Variants in USP10 observed in about 807,000 individuals in gnomAD.
USP10 encodes the protein ubiquitin carboxyl-terminal hydrolase 10.
In USP10, 22 loss-of-function variants were observed where a neutral mutation model predicts 84.5. The observed-to-expected ratio is 0.26, with a 90% confidence interval of 0.19 to 0.37. The LOEUF is 0.37. Among genes scored for constraint, USP10 ranks in the 10% least tolerant of loss-of-function variants. The probability of loss-of-function intolerance (pLI) is 1.00; values close to 1 mark genes in which losing one functional copy is unlikely to be tolerated. For missense variants in USP10, 1,019 were observed against 998.9 expected, an observed-to-expected ratio of 1.02 and a Z score of -0.27; for synonymous variants, 454 against 387.6, an observed-to-expected ratio of 1.17 and a Z score of -2.01.
intron 1 of USP10, among the ~76,000 whole-genome samples, chr16:84,726,871 A>G (rs562610772): frequency 4.6e-5 from 7 of 152,216 alleles, no homozygotes; most frequent in Non-Finnish European, 1.0e-4. Flanking sequence ...CTATGCAACC[A>G]CAGGACGCGG....
chr16:84,727,471 C>T (rs1908650366), intron 1 of USP10, among the ~76,000 whole-genome samples: 1 of 152,150 alleles, frequency 6.6e-6, no homozygotes, highest in Admixed American at 6.5e-5. Flanking sequence ...AACAAACAAA[C>T]AAACAAACAA....
In USP10 at chr16:84,757,439, G is replaced by A. The variant is rs188524671; in HGVS notation, c.1193-1277G>A. Among the ~76,000 whole-genome samples the A allele has an allele frequency of 6.9e-3, 974 of 141,846 alleles. 13 individuals are homozygous for A. The highest frequency in any genetic ancestry group is 0.023 in the African/African-American group (929 of 40,044). The allele number at this position is 141,846 out of a possible 152,430, so 93.1% of individuals were successfully genotyped here. ...TGTGTGTGTGTGTGTGTGTGTGTGT[G>A]TGTGTGTTTTGAATTTTGTAAATTA... On this transcript the variant is annotated intron_variant, in intron 4 of 13. Transcript: ENST00000219473.
intron 1 of USP10, among the ~76,000 whole-genome samples, chr16:84,720,453 G>C (rs370675131): frequency 6.6e-6 from 1 of 152,052 alleles, no homozygotes; most frequent in Non-Finnish European, 1.5e-5. Flanking sequence ...CGAGAAGCTC[G>C]GCAGTAATAA....
chr16:84,724,303 A>G (rs1180539176), intron 1 of USP10, among the ~76,000 whole-genome samples: 2 of 152,236 alleles, frequency 1.3e-5, no homozygotes, highest in Admixed American at 6.5e-5. Context: ...TCTGAATTCA[A>G]TCTAAAATTT....
chr16:84,734,264 T>TAA (rs35354296), intron 2 of USP10, among the ~76,000 whole-genome samples: 3 of 150,828 alleles, frequency 2.0e-5, no homozygotes, highest in African/African-American at 4.9e-5. Context: ...TTGCTCGTAT[T>TAA]AAAAAAAAAA....
rs749395865 is a variant in USP10 at position 84,778,941 on chromosome 16, A to C, written c.2256A>C (p.Thr752=). The C allele has an allele frequency of 6.2e-7, 1 of 1,613,872 alleles. No individual in the cohort carries two copies. The highest frequency in any genetic ancestry group is 1.7e-5 in the Admixed American group (1 of 60,006). The change falls in exon 14 of 14, where the codon ACA becomes ACC. Residue 752 remains threonine, a synonymous_variant. Transcript: ENST00000219473. ...GNSATGGHYT[T]DVFQIGLNGW... is the part of the protein sequence containing the mutation. ...GTGCGACGGGCGGCCATTACACTAC[A>C]GACGTCTTCCAGATCGGTCTGAATG...
chr16:84,765,827 C>G (rs1567645851), intron 10 of USP10, among the ~76,000 whole-genome samples: 1 of 152,202 alleles, frequency 6.6e-6, no homozygotes, highest in Non-Finnish European at 1.5e-5. Context: ...TGCCAGTTCC[C>G]TTAAGCAGCT....
At chr16:84,701,549 G>T (rs930903682) in intron 1 of USP10, among the ~76,000 whole-genome samples, 1 of 152,164 alleles carries the variant, frequency 6.6e-6, no homozygotes, top group Non-Finnish European at 1.5e-5. Context: ...GAATTGGTAT[G>T]AACAAGTAAA....
intron 1 of USP10, among the ~76,000 whole-genome samples, chr16:84,712,397 G>C (rs1418699827): frequency 1.3e-5 from 2 of 152,216 alleles, no homozygotes; most frequent in African/African-American, 4.8e-5. Context: ...AGGCTTTCTT[G>C]AGTCTGGTAT....
In USP10 at chr16:84,715,637, CTT is replaced by C. The variant is rs530012035; in HGVS notation, c.21+15535_21+15536del. On this transcript the variant is annotated intron_variant, in intron 1 of 13. Transcript: ENST00000219473. ...CCATTTATGTGTTAGGGTGCCCTCC[CTT>C]TTTTTTTTAAAAAAACAAACAAGTA... is the stretch of plus-strand genomic sequence containing the variant. Among the ~76,000 whole-genome samples the C allele has an allele frequency of 1.8e-3, 273 of 147,968 alleles. 4 individuals are homozygous for C. In the East Asian group the frequency reaches 0.025, roughly 14 times the overall value.
chr16:84,714,828 A>C (rs1181051322), intron 1 of USP10, among the ~76,000 whole-genome samples: 1 of 151,896 alleles, frequency 6.6e-6, no homozygotes, highest in Non-Finnish European at 1.5e-5. Context: ...GTGGATATTT[A>C]AAACATGAAT....
At chr16:84,702,934 A>T (rs953108232) in intron 1 of USP10, among the ~76,000 whole-genome samples, 3 of 140,374 alleles carry the variant, frequency 2.1e-5, no homozygotes, top group Non-Finnish European at 3.0e-5. Flanking sequence ...CGGAGGTTGC[A>T]GTGAGCCGAG....
intron 2 of USP10, among the ~76,000 whole-genome samples, chr16:84,737,742 C>T (rs1269233274): frequency 6.6e-6 from 1 of 152,174 alleles, no homozygotes; most frequent in African/African-American, 2.4e-5. Context: ...CTGGCAGTGT[C>T]GCCTGGCTTC....
intron 1 of USP10, chr16:84,732,691 G>A (rs926239689): frequency 2.0e-5 from 6 of 299,696 alleles, no homozygotes; most frequent in Admixed American, 5.0e-5. Flanking sequence ...TAAGTGATTC[G>A]CCCATGTCAG....
chr16:84,744,309 G>C (rs1002390860), intron 3 of USP10, among the ~76,000 whole-genome samples: 1 of 152,070 alleles, frequency 6.6e-6, no homozygotes, highest in Admixed American at 6.6e-5. Context: ...CTATAAGAAA[G>C]TCAGATTCCA....
chr16:84,749,241 T>A (rs1567628162), intron 4 of USP10, among the ~76,000 whole-genome samples: 1 of 152,208 alleles, frequency 6.6e-6, no homozygotes, highest in African/African-American at 2.4e-5. Context: ...ACAAGTCAGA[T>A]CCACTACCAC....
chr16:84,748,620 C>T (rs529044129), intron 4 of USP10, among the ~76,000 whole-genome samples: 5 of 152,220 alleles, frequency 3.3e-5, no homozygotes, highest in South Asian at 2.1e-4. Context: ...ATTATAGTTT[C>T]GTTTCTAAAA....
At chr16:84,763,452 C>T (rs561840246) in intron 9 of USP10, among the ~76,000 whole-genome samples, 1 of 152,302 alleles carries the variant, frequency 6.6e-6, no homozygotes, top group East Asian at 1.9e-4. Flanking sequence ...TATATACATA[C>T]ATACGCATAC....
At chr16:84,726,611 G>A (rs1908515210) in intron 1 of USP10, among the ~76,000 whole-genome samples, 1 of 152,226 alleles carries the variant, frequency 6.6e-6, no homozygotes, top group Non-Finnish European at 1.5e-5. Context: ...TTTTCTCGAA[G>A]TGTTTCTTGT....
Sources: allele counts gnomAD v4.1 joint callset (sites outside exome capture counted in the v4.1 genomes callset), GRCh38; gene constraint gnomAD v4.1.1; transcripts MANE v1.5; gene names NCBI Gene and HGNC (gene_info 2026-07-23, HGNC 2026-07-21).